Variants in PTPRE observed in about 807,000 individuals in gnomAD.
PTPRE encodes receptor-type tyrosine-protein phosphatase epsilon.
PTPRE carries 51 observed loss-of-function variants against 102.0 expected under a neutral mutation model. The ratio of observed to expected loss-of-function variants is 0.50; its 90% confidence interval spans 0.40 to 0.63. The LOEUF (loss-of-function observed/expected upper bound fraction) is 0.63. PTPRE is among the 30% of genes least tolerant of loss of function. PTPRE has a pLI of 0.00. For synonymous variants in PTPRE, 345 were observed against 348.2 expected (o/e 0.99, Z 0.10); for missense variants, 752 against 915.1 (o/e 0.82, Z 2.30).
At chr10:128,060,071 TACCACACACTACAC>T (rs1849410675) in intron 7 of PTPRE, among the ~76,000 whole-genome samples, 1 of 84,898 alleles carries the variant, frequency 1.2e-5, no homozygotes, top group Non-Finnish European at 2.2e-5. Context: ...ACCACACACA[TACCACACACTACAC>T]ACACACACAC....
intron 2 of PTPRE, among the ~76,000 whole-genome samples, chr10:127,989,152 A>C (rs1326093586): frequency 6.6e-6 from 1 of 152,038 alleles, no homozygotes; most frequent in Non-Finnish European, 1.5e-5. Context: ...AAGTGCTATA[A>C]CATATACATA....
Position 128,070,133 on chromosome 10 carries a change from C to A in PTPRE, c.1144-168C>A. ...TGCTACCGTTCTCCTTACTCAAGGG[C>A]ATAAATGGTCGTTATCCGTGGCCGG... On this transcript the variant is annotated intron_variant, in intron 13 of 20. Coordinates refer to ENST00000254667, the MANE Select transcript of PTPRE (RefSeq NM_006504.6). This position sits in a 1 kb window ranked among gnomAD's most constrained non-coding sequence, Gnocchi z 4.8. 4 of 789,654 alleles carry A rather than the reference C, an allele frequency of 5.1e-6. No homozygotes were observed. Among genetic ancestry groups the A allele is most frequent in the Non-Finnish European group, 7.9e-6 (4 of 504,244 alleles). The allele number at this position is 789,654 out of a possible 1,614,324, so 48.9% of individuals were successfully genotyped here.
intron 1 of PTPRE, among the ~76,000 whole-genome samples, chr10:127,978,090 T>C (rs958474661): frequency 5.9e-5 from 9 of 152,194 alleles, no homozygotes; most frequent in Non-Finnish European, 1.0e-4. Context: ...GAGCATCCTC[T>C]AGGACAGGAA....
In PTPRE at chr10:128,085,809, G is replaced by T. The variant is rs1852041012; in HGVS notation, c.*2903G>T. ...AACTCTTTGTATATGCAAATTGCAAGATTTAAACCATTCTGATGCAAGGAT... is the reference window on the plus strand; with the variant it reads ...AACTCTTTGTATATGCAAATTGCAATATTTAAACCATTCTGATGCAAGGAT... On this transcript the variant is annotated 3_prime_UTR_variant, in exon 21 of 21. Transcript: ENST00000254667. The T allele has an allele frequency of 7.6e-6, 1 of 132,112 alleles. No individual in the cohort carries two copies. Among genetic ancestry groups the T allele is most frequent in the Admixed American group, 8.9e-5 (1 of 11,182 alleles). The allele number at this position is 132,112 out of a possible 1,614,324, so 8.2% of individuals were successfully genotyped here.
chr10:128,011,579 T>G (rs1845016894), intron 2 of PTPRE, among the ~76,000 whole-genome samples: 1 of 152,218 alleles, frequency 6.6e-6, no homozygotes, highest in African/African-American at 2.4e-5. Flanking sequence ...AGCGTCCCCG[T>G]AGCCCGACCC....
At chr10:128,016,064 G>A (rs1845399591) in intron 2 of PTPRE, among the ~76,000 whole-genome samples, 1 of 152,138 alleles carries the variant, frequency 6.6e-6, no homozygotes, top group Admixed American at 6.5e-5. Flanking sequence ...GGTTGCAGGA[G>A]GGGACTTTTT....
At chr10:128,015,965 G>C (rs962286689) in intron 2 of PTPRE, among the ~76,000 whole-genome samples, 1 of 152,198 alleles carries the variant, frequency 6.6e-6, no homozygotes, top group African/African-American at 2.4e-5. Context: ...TTTAGGACAC[G>C]AGCTGCGTGT....
chr10:128,070,497 G>C lies in PTPRE; in HGVS notation c.1293+47G>C, dbSNP rs763200969. ...CTCCATCCTGGTGTAAGCAGCCAAG[G>C]GCACGAGGAAAACAGGTGACCATTT... is the stretch of plus-strand genomic sequence containing the variant. On this transcript the variant is annotated intron_variant, in intron 14 of 20. Transcript: ENST00000254667. The surrounding 1 kb of genome is among the most constrained non-coding windows in gnomAD (Gnocchi z 4.8). 5.0e-6 allele frequency: 8 copies of C among 1,587,138 alleles called. No individual in the cohort carries two copies. The East Asian group carries it at 1.8e-4, about 36-fold the overall frequency.
chr10:128,020,109 C>T (rs1356097521), intron 2 of PTPRE, among the ~76,000 whole-genome samples: 2 of 151,954 alleles, frequency 1.3e-5, no homozygotes, highest in Admixed American at 6.6e-5. Context: ...AGGGCTGTGG[C>T]GTGATTGTCA....
At chr10:127,999,039 C>G (rs1210130552) in intron 2 of PTPRE, 1 of 151,986 alleles carries the variant, frequency 6.6e-6, no homozygotes, top group Non-Finnish European at 1.5e-5. Context: ...CAGCATCGTG[C>G]CTGAAATAGC....
chr10:127,966,711 T>C (rs11018426), intron 1 of PTPRE, among the ~76,000 whole-genome samples: 2 of 152,188 alleles, frequency 1.3e-5, no homozygotes, highest in African/African-American at 2.4e-5. Context: ...CTCAGAGAGT[T>C]GAGGTAACTG....
In PTPRE at chr10:128,076,706, A is replaced by C; in HGVS notation, c.1703A>C (p.Asp568Ala). Residue 568 changes from aspartate to alanine, a missense_variant, in exon 18 of 21, where the codon GAC becomes GCC. This residue lies in a region of PTPRE where 636 missense variants were observed against 824.4 expected (regional missense o/e 0.77). Coordinates refer to ENST00000254667, the MANE Select transcript of PTPRE (RefSeq NM_006504.6). ...CTTTCAGAAGCCATCAGTATACGAG[A>C]CTTTCTGGTCACTCTCAATCAGGTA... Reference protein sequence around the residue: ...DTLSEAISIRDFLVTLNQPQA... With the variant: ...DTLSEAISIRAFLVTLNQPQA... The C allele has an allele frequency of 6.2e-7, 1 of 1,611,216 alleles. No individual in the cohort carries two copies.
intron 1 of PTPRE, among the ~76,000 whole-genome samples, chr10:127,977,404 G>T (rs1192321853): frequency 6.6e-6 from 1 of 152,142 alleles, no homozygotes; most frequent in South Asian, 2.1e-4. Context: ...AAATGTAAAT[G>T]CACTTCCAAA....
chr10:128,081,479 A>G (rs1307679428), intron 20 of PTPRE, among the ~76,000 whole-genome samples: 1 of 152,202 alleles, frequency 6.6e-6, no homozygotes, highest in Non-Finnish European at 1.5e-5. Flanking sequence ...ACTACGTGGG[A>G]TGGTCAGCAG....
intron 1 of PTPRE, among the ~76,000 whole-genome samples, chr10:127,949,958 A>G (rs1462552341): frequency 6.6e-6 from 1 of 151,988 alleles, no homozygotes; most frequent in Non-Finnish European, 1.5e-5. Flanking sequence ...GAGGGGATTA[A>G]CTCTGATGGG....
chr10:127,976,377 C>G (rs1199369518), intron 1 of PTPRE, among the ~76,000 whole-genome samples: 1 of 152,200 alleles, frequency 6.6e-6, no homozygotes, highest in Non-Finnish European at 1.5e-5. Flanking sequence ...GAGGATTTGT[C>G]TGGCTTTCTA....
intron 3 of PTPRE, among the ~76,000 whole-genome samples, chr10:128,043,347 A>G (rs1330171141): frequency 6.6e-6 from 1 of 152,194 alleles, no homozygotes; most frequent in East Asian, 1.9e-4. Flanking sequence ...AGGTTCTCTT[A>G]AGGAGCACGC....
Position 128,056,151 on chromosome 10 carries a change from C to T in PTPRE, c.449C>T (p.Thr150Ile). The T allele has an allele frequency of 6.2e-7, 1 of 1,612,888 alleles. No individual in the cohort carries two copies. The highest frequency in any genetic ancestry group is 8.5e-7 in the Non-Finnish European group (1 of 1,178,980). ...NSLPSGHIQGTFELANKEENR... is the reference protein window; with the variant it reads ...NSLPSGHIQGIFELANKEENR... ...TTGCCATCTGGACACATACAAGGAA[C>T]TTTTGAACTGGCAAATAAAGAAGAA... is the stretch of plus-strand genomic sequence containing the variant. Residue 150 changes from threonine to isoleucine, a missense_variant, in exon 7 of 21, where the codon ACT becomes ATT. Thr to Ile is a moderately conservative substitution (Grantham distance 89). Around this residue, in one of 2 missense-constraint regions of PTPRE, gnomAD observed 636 missense variants for 824.4 expected, o/e 0.77. Transcript: ENST00000254667.
At chr10:128,072,707 A>G (rs1327117344) in intron 16 of PTPRE, 1 of 152,076 alleles carries the variant, frequency 6.6e-6, no homozygotes, top group Non-Finnish European at 1.5e-5. Flanking sequence ...ATAGAAGGAC[A>G]TAGACTCGCT....
Sources: allele counts gnomAD v4.1 joint callset (sites outside exome capture counted in the v4.1 genomes callset), GRCh38; gene constraint gnomAD v4.1.1; regional missense constraint gnomAD v4.1.1; non-coding constraint Gnocchi (gnomAD v3.1); transcripts MANE v1.5; gene names NCBI Gene and HGNC (gene_info 2026-07-23, HGNC 2026-07-21).